The following LIMD1 variants were observed in gnomAD, a reference collection of about 807,000 sequenced individuals.
The protein encoded by LIMD1 is LIM domain-containing protein 1.
Under a neutral mutation model 58.4 loss-of-function variants are expected in LIMD1, and 23 were observed. The ratio of observed to expected loss-of-function variants is 0.39; its 90% confidence interval spans 0.28 to 0.56. The LOEUF (loss-of-function observed/expected upper bound fraction) is 0.56. LIMD1 is among the 20% of genes least tolerant of loss of function. LIMD1 has a pLI of 0.57. For missense variants in LIMD1, 838 were observed against 855.5 expected (o/e 0.98, Z 0.25); for synonymous variants, 334 against 345.5 (o/e 0.97, Z 0.37).
At chr3:45,602,825 G>A (rs897227257) in intron 1 of LIMD1, among the ~76,000 whole-genome samples, 1 of 150,290 alleles carries the variant, frequency 6.7e-6, no homozygotes, top group Non-Finnish European at 1.5e-5. Flanking sequence ...GCTGCTCCTC[G>A]TTTTCATGAC....
At chr3:45,658,280 G>A (rs1019840450) in intron 2 of LIMD1, among the ~76,000 whole-genome samples, 1 of 152,130 alleles carries the variant, frequency 6.6e-6, no homozygotes, top group African/African-American at 2.4e-5. Context: ...GTCAGTGGGG[G>A]AGTCTCAGTT....
rs1697683395 is a variant in LIMD1 at position 45,677,188 on chromosome 3, T to C, written c.*129T>C. The C allele has an allele frequency of 4.0e-6, 4 of 1,007,554 alleles. No individual in the cohort carries two copies. The Admixed American group carries it at 9.1e-5, about 23-fold the overall frequency. The allele number at this position is 1,007,554 out of a possible 1,614,324, so 62.4% of individuals were successfully genotyped here. ...GCAGGAGGGAGAGTTCCTGTGAGCA[T>C]GTGGGGGGTGCCTTTCCTTTAACCA... On this transcript the variant is annotated 3_prime_UTR_variant, in exon 8 of 8. Coordinates refer to ENST00000273317, the MANE Select transcript of LIMD1 (RefSeq NM_014240.3).
chr3:45,669,333 A>G (rs1453096688), intron 4 of LIMD1, among the ~76,000 whole-genome samples: 1 of 152,250 alleles, frequency 6.6e-6, no homozygotes. Context: ...ACATACTTTA[A>G]GTTGGAAACA....
At chr3:45,656,102 A>G (rs1323737313) in intron 2 of LIMD1, among the ~76,000 whole-genome samples, 2 of 152,212 alleles carry the variant, frequency 1.3e-5, no homozygotes, top group African/African-American at 4.8e-5. Flanking sequence ...CCACCATGTG[A>G]GAAAACAGCA....
chr3:45,595,196 C>G lies in LIMD1; in HGVS notation c.317C>G (p.Pro106Arg). 6.2e-7 allele frequency: 1 copy of G among 1,602,290 alleles called. No homozygotes were observed. The highest frequency in any genetic ancestry group is 8.5e-7 in the Non-Finnish European group (1 of 1,174,178). The change falls in exon 1 of 8, where the codon CCT (proline) becomes CGT (arginine). Residue 106 changes from proline to arginine, a missense_variant. By Grantham distance (103) the Pro-to-Arg change is moderately radical. Coordinates refer to ENST00000273317, the MANE Select transcript of LIMD1 (RefSeq NM_014240.3). ...ACTGTGGATGGTGCTGCCAAGCCTCCTCTTGCTGCCTCGACAGGGGCACCT... is the reference window on the plus strand; with the variant it reads ...ACTGTGGATGGTGCTGCCAAGCCTCGTCTTGCTGCCTCGACAGGGGCACCT... Reference protein sequence around the residue: ...KLTVDGAAKPPLAASTGAPGA... With the variant: ...KLTVDGAAKPRLAASTGAPGA...
chr3:45,670,542 C>T (rs932045921), intron 4 of LIMD1, among the ~76,000 whole-genome samples: 2 of 152,198 alleles, frequency 1.3e-5, no homozygotes, highest in Non-Finnish European at 2.9e-5. Flanking sequence ...CTCTCACCCT[C>T]CAGGCCCCTC....
At chr3:45,648,541 A>C (rs946780889) in intron 2 of LIMD1, among the ~76,000 whole-genome samples, 6 of 152,224 alleles carry the variant, frequency 3.9e-5, no homozygotes, top group African/African-American at 9.7e-5. Flanking sequence ...GTTGCTATGA[A>C]CATTCCTAGG....
At chr3:45,629,994 C>T (rs918271663) in intron 1 of LIMD1, among the ~76,000 whole-genome samples, 3 of 152,130 alleles carry the variant, frequency 2.0e-5, no homozygotes, top group Non-Finnish European at 4.4e-5. Context: ...AAGAAGATTG[C>T]TTGGGCTACA....
chr3:45,605,269 C>G (rs1449305608), intron 1 of LIMD1, among the ~76,000 whole-genome samples: 1 of 152,252 alleles, frequency 6.6e-6, no homozygotes, highest in Non-Finnish European at 1.5e-5. Context: ...TGGCAGAGAG[C>G]CTGGAAAGGC....
intron 1 of LIMD1, among the ~76,000 whole-genome samples, chr3:45,621,954 T>G (rs1465304534): frequency 1.3e-5 from 2 of 151,206 alleles, no homozygotes; most frequent in Non-Finnish European, 2.9e-5. Flanking sequence ...TCCCAGCTAC[T>G]CGGGAGGCTG....
chr3:45,636,313 A>T, intron 2 of LIMD1, 62 bp downstream of exon 2: 1 of 1,230,998 alleles, frequency 8.1e-7, no homozygotes, highest in Non-Finnish European at 1.1e-6. Flanking sequence ...GAACCGAGAA[A>T]GGGAGGAGAG....
intron 2 of LIMD1, among the ~76,000 whole-genome samples, chr3:45,638,466 G>C (rs952808640): frequency 1.3e-5 from 2 of 152,156 alleles, no homozygotes; most frequent in African/African-American, 4.8e-5. Context: ...TTTCTATGTT[G>C]CTGCAAAGGA....
chr3:45,644,330 G>A (rs1187480200), intron 2 of LIMD1, among the ~76,000 whole-genome samples: 1 of 152,068 alleles, frequency 6.6e-6, no homozygotes, highest in Admixed American at 6.5e-5. Context: ...TGTTGACTTT[G>A]TAAATGACCT....
intron 2 of LIMD1, among the ~76,000 whole-genome samples, chr3:45,646,887 A>G (rs1034652403): frequency 6.6e-6 from 1 of 152,012 alleles, no homozygotes; most frequent in Non-Finnish European, 1.5e-5. Flanking sequence ...ATTGGTCTCA[A>G]ACTCCTGGGT....
chr3:45,643,040 G>A (rs895269875), intron 2 of LIMD1, among the ~76,000 whole-genome samples: 2 of 152,328 alleles, frequency 1.3e-5, no homozygotes, highest in South Asian at 4.1e-4. Flanking sequence ...GGAGAGGACA[G>A]GAGTGGCCTT....
chr3:45,605,673 C>G (rs1321002299), intron 1 of LIMD1, among the ~76,000 whole-genome samples: 1 of 152,212 alleles, frequency 6.6e-6, no homozygotes, highest in Non-Finnish European at 1.5e-5. Context: ...TAGGAAATAA[C>G]CACACATGGC....
At chr3:45,621,536 G>C (rs950108520) in intron 1 of LIMD1, among the ~76,000 whole-genome samples, 5 of 152,080 alleles carry the variant, frequency 3.3e-5, no homozygotes, top group African/African-American at 1.2e-4. Context: ...CACTGTGCCT[G>C]GCCAACATTT....
chr3:45,668,841 A>G (rs1697553743), intron 4 of LIMD1, among the ~76,000 whole-genome samples: 1 of 151,954 alleles, frequency 6.6e-6, no homozygotes. Context: ...AACATCTTTA[A>G]CCATCTAGAG....
At chr3:45,605,703 G>T (rs141923832) in intron 1 of LIMD1, among the ~76,000 whole-genome samples, 19 of 152,358 alleles carry the variant, frequency 1.2e-4, no homozygotes, top group African/African-American at 4.3e-4. Flanking sequence ...GTATGATGAT[G>T]ATCACCAACC....
Sources: gnomAD v4.1 joint callset for allele counts (sites outside exome capture counted in the v4.1 genomes callset) on GRCh38, gnomAD v4.1.1 for gene constraint, MANE v1.5 for transcripts, NCBI Gene and HGNC (gene_info 2026-07-23, HGNC 2026-07-21) for gene names.